CHIC2: variants seen among roughly 807,000 people sequenced by gnomAD.
The protein encoded by CHIC2 is cysteine-rich hydrophobic domain-containing protein 2.
In CHIC2, 14 loss-of-function variants were observed where a neutral mutation model predicts 25.9. The observed-to-expected ratio is 0.54, with a 90% CI of 0.36 to 0.85. CHIC2 has a LOEUF of 0.85. Ranked by LOEUF, CHIC2 falls within the 40% of genes least tolerant of loss-of-function variation. The pLI is 0.01. For synonymous variants in CHIC2, 70 were observed against 72.0 expected (o/e 0.97, Z 0.14); for missense variants, 146 against 202.0 (o/e 0.72, Z 1.68).
chr4:54,031,517 GAAT>G (rs1039231648), intron 3 of CHIC2, among the ~76,000 whole-genome samples: 3 of 149,496 alleles, frequency 2.0e-5, no homozygotes, highest in Non-Finnish European at 4.4e-5. Flanking sequence ...CAAACACTGA[GAAT>G]AATAATACTA....
chr4:54,035,601 T>C (rs1392784562), intron 3 of CHIC2, among the ~76,000 whole-genome samples: 1 of 152,176 alleles, frequency 6.6e-6, no homozygotes, highest in Non-Finnish European at 1.5e-5. Context: ...TGAAACTTAA[T>C]TTATCTCTTT....
At chr4:54,084,493 C>CAA in the CHIC2 span, among the ~76,000 whole-genome samples, 1,937 of 147,686 alleles carry the variant, frequency 0.013, 19 homozygotes, top group African/African-American at 0.033. Flanking sequence ...AGAAAAATTA[C>CAA]AAAAAAAAAA....
intron 3 of CHIC2, among the ~76,000 whole-genome samples, chr4:54,044,622 A>G (rs1716718535): frequency 3.3e-5 from 5 of 152,140 alleles, no homozygotes; most frequent in African/African-American, 9.7e-5. Flanking sequence ...ACAACATACC[A>G]GAATCTCTGG....
intron 3 of CHIC2, among the ~76,000 whole-genome samples, chr4:54,029,136 A>C (rs965563146): frequency 3.3e-5 from 5 of 152,144 alleles, no homozygotes; most frequent in African/African-American, 9.7e-5. Flanking sequence ...AAAAAAAAAA[A>C]AAAACAAAAG....
At chr4:54,068,584 G>A (rs1052326886), upstream of CHIC2, among the ~76,000 whole-genome samples, 7 of 152,170 alleles carry the variant, frequency 4.6e-5, no homozygotes, top group Admixed American at 3.9e-4. Flanking sequence ...TATTTTGTGT[G>A]GCAGCCTATT....
intron 5 of CHIC2, among the ~76,000 whole-genome samples, chr4:54,012,283 T>C (rs1057030862): frequency 1.3e-5 from 2 of 152,092 alleles, no homozygotes; most frequent in African/African-American, 4.8e-5. Flanking sequence ...TTATCTTTAC[T>C]ACTCTTCTGG....
the CHIC2 span, among the ~76,000 whole-genome samples, chr4:54,091,814 G>T: frequency 6.6e-6 from 1 of 152,130 alleles, no homozygotes; most frequent in Non-Finnish European, 1.5e-5. Context: ...ACTTATGCTC[G>T]CGCTCATGCA....
intron 3 of CHIC2, among the ~76,000 whole-genome samples, chr4:54,029,237 TCTAAATTTA>T (rs764998601): frequency 2.3e-4 from 35 of 152,330 alleles, no homozygotes; most frequent in South Asian, 6.2e-4. Context: ...AGTTTGTTTC[TCTAAATTTA>T]CTGGACAGAA....
the CHIC2 span, chr4:54,087,188 A>AG: frequency 1.4e-6 from 1 of 700,938 alleles, no homozygotes; most frequent in African/African-American, 1.8e-5. Context: ...ATATGGGGGC[A>AG]GTACCAGCAA....
At position 54,060,383 on chromosome 4, in the gene CHIC2, C is replaced by T. The variant is rs949957602; in HGVS notation, c.119+3799G>A. 1.3e-5 allele frequency: 2 copies of T among 152,090 alleles called. 1 individual carries two copies. Among genetic ancestry groups the T allele is most frequent in the Non-Finnish European group, 2.9e-5 (2 of 68,004 alleles). The allele number at this position is 152,090 out of a possible 1,614,324, so 9.4% of individuals were successfully genotyped here. On this transcript the variant is annotated intron_variant, in intron 1 of 5. Coordinates refer to ENST00000263921, the MANE Select transcript of CHIC2 (RefSeq NM_012110.4). Reference sequence around the variant, plus strand: ...TAAGATTACACCTCAGAAGAGAGTACATGAAGACACGGTAAAATTACAAGA... The same window carrying T: ...TAAGATTACACCTCAGAAGAGAGTATATGAAGACACGGTAAAATTACAAGA...
chr4:54,084,288 C>T, the CHIC2 span, among the ~76,000 whole-genome samples: 2 of 152,088 alleles, frequency 1.3e-5, no homozygotes, highest in African/African-American at 4.8e-5. Context: ...CTCCTATTTC[C>T]AGAAGTTCCT....
chr4:54,062,286 AAT>A (rs1452830222), intron 1 of CHIC2, among the ~76,000 whole-genome samples: 1 of 152,114 alleles, frequency 6.6e-6, no homozygotes, highest in Non-Finnish European at 1.5e-5. Flanking sequence ...TATAACCTGG[AAT>A]AGTTTTCAAT....
intron 1 of CHIC2, among the ~76,000 whole-genome samples, chr4:54,053,101 T>C (rs1251673783): frequency 6.6e-6 from 1 of 152,192 alleles, no homozygotes; most frequent in Non-Finnish European, 1.5e-5. Flanking sequence ...TTTAGATTTA[T>C]TTATGTATCT....
intron 1 of CHIC2, among the ~76,000 whole-genome samples, chr4:54,062,061 T>C (rs1252464005): frequency 6.6e-6 from 1 of 152,182 alleles, no homozygotes; most frequent in Non-Finnish European, 1.5e-5. Context: ...TCTCATTTAA[T>C]CCTTAATAAT....
At chr4:54,086,079 C>T in the CHIC2 span, among the ~76,000 whole-genome samples, 2 of 152,058 alleles carry the variant, frequency 1.3e-5, no homozygotes, top group African/African-American at 4.8e-5. Context: ...CCACCTAGAA[C>T]ACTGACATTC....
chr4:54,063,414 C>T (rs1027571267), intron 1 of CHIC2, among the ~76,000 whole-genome samples: 2 of 152,206 alleles, frequency 1.3e-5, no homozygotes, highest in Non-Finnish European at 2.9e-5. Context: ...ATTCCTTTGT[C>T]ATGGTCTTTC....
At chr4:54,017,566 G>A (rs73818145) in intron 3 of CHIC2, among the ~76,000 whole-genome samples, 2,490 of 152,208 alleles carry the variant, frequency 0.016, 60 homozygotes, top group African/African-American at 0.057. Flanking sequence ...GGGGTGAGGG[G>A]ACAGGTTAGC....
At chr4:54,041,810 CGT>C (rs887228655) in intron 3 of CHIC2, among the ~76,000 whole-genome samples, 1 of 151,808 alleles carries the variant, frequency 6.6e-6, no homozygotes, top group African/African-American at 2.4e-5. Flanking sequence ...GCAAATAAAA[CGT>C]TAAAAATCCC....
intron 3 of CHIC2, among the ~76,000 whole-genome samples, chr4:54,048,387 T>C (rs1420659537): frequency 6.6e-6 from 1 of 152,118 alleles, no homozygotes; most frequent in East Asian, 1.9e-4. Context: ...ACTTGTAAAA[T>C]ATAAAAAGCA....
Sources: gnomAD v4.1 joint callset for allele counts (sites outside exome capture counted in the v4.1 genomes callset) on GRCh38, gnomAD v4.1.1 for gene constraint, MANE v1.5 for transcripts, NCBI Gene and HGNC (gene_info 2026-07-23, HGNC 2026-07-21) for gene names.